Variants in INSR observed in about 807,000 individuals in gnomAD.
INSR encodes the protein insulin receptor, also known as IR.
In INSR, 67 loss-of-function variants were observed where a neutral mutation model predicts 142.6. The ratio of observed to expected loss-of-function variants is 0.47; its 90% CI spans 0.39 to 0.58. The LOEUF (loss-of-function observed/expected upper bound fraction) is 0.58. Ranked by LOEUF, INSR falls within the 20% of genes least tolerant of loss-of-function variation. The probability of loss-of-function intolerance (pLI) is 0.00; values close to 1 mark genes in which losing one functional copy is unlikely to be tolerated. For missense variants in INSR, 1,248 were observed against 1,833.2 expected (o/e 0.68, Z 5.83); for synonymous variants, 756 against 743.1 (o/e 1.02, Z -0.28).
chr19:7,180,345 T>C (rs541113996), intron 3 of INSR, among the ~76,000 whole-genome samples: 2 of 152,006 alleles, frequency 1.3e-5, no homozygotes, highest in African/African-American at 4.8e-5. Context: ...GCCTGGGGAA[T>C]ATAGCAAGAC....
At chr19:7,244,962 G>A (rs1157419784) in intron 2 of INSR, among the ~76,000 whole-genome samples, 2 of 129,608 alleles carry the variant, frequency 1.5e-5, no homozygotes, top group African/African-American at 3.0e-5. Flanking sequence ...TCAAGATGGA[G>A]TCTCGCTCTG....
At chr19:7,250,426 GAAGA>G (rs1568217939) in intron 2 of INSR, among the ~76,000 whole-genome samples, 1 of 119,238 alleles carries the variant, frequency 8.4e-6, no homozygotes, top group African/African-American at 3.1e-5. Context: ...AGAAAGCAAG[GAAGA>G]AAGAAGAAAA....
chr19:7,181,913 C>G (rs1475842713), intron 3 of INSR, among the ~76,000 whole-genome samples: 1 of 151,996 alleles, frequency 6.6e-6, no homozygotes. Flanking sequence ...CAGAACTCTG[C>G]TCTGAAAACA....
chr19:7,260,496 G>T (rs1433521534), intron 2 of INSR, among the ~76,000 whole-genome samples: 1 of 152,168 alleles, frequency 6.6e-6, no homozygotes, highest in Non-Finnish European at 1.5e-5. Context: ...AAAAATCAGG[G>T]TGGTCTTCCC....
chr19:7,144,128 T>C (rs571099516), intron 11 of INSR, among the ~76,000 whole-genome samples: 26 of 152,274 alleles, frequency 1.7e-4, no homozygotes, highest in African/African-American at 6.3e-4. Flanking sequence ...GGACAATTTT[T>C]TCCCTGTAAA....
intron 11 of INSR, 133 bp from the exon 12 acceptor site, chr19:7,143,223 AT>A: frequency 1.0e-6 from 1 of 956,048 alleles, no homozygotes; most frequent in Non-Finnish European, 1.6e-6. Flanking sequence ...GGGAACATGG[AT>A]TACAATACAG....
At chr19:7,250,449 AAAGAAAAGGAAGAAAAGAAAG>A (rs1976684644) in intron 2 of INSR, among the ~76,000 whole-genome samples, 1 of 85,818 alleles carries the variant, frequency 1.2e-5, no homozygotes, top group Non-Finnish European at 3.1e-5. Flanking sequence ...AAGAAAGAAG[AAAGAAAAGGAAGAAAAGAAAG>A]AAAGAAAAGA....
chr19:7,128,214 CT>C lies in INSR; in HGVS notation c.2945+637del, dbSNP rs781350558. Reference sequence around the variant, plus strand: ...TATGTCTTATTTCAGTTTTGTCCTACTTTTTTTTTTTTTCCCGAGACGGAGT... The same window carrying C: ...TATGTCTTATTTCAGTTTTGTCCTACTTTTTTTTTTTTCCCGAGACGGAGT... On this transcript the variant is annotated intron_variant, in intron 15 of 21. Transcript: ENST00000302850. 6.2e-3 allele frequency among the ~76,000 whole-genome samples: 887 copies of C among 143,526 alleles called. 5 individuals carry two copies. The highest frequency in any genetic ancestry group is 8.3e-3 in the Non-Finnish European group (543 of 65,066). The allele number at this position is 143,526 out of a possible 152,430, so 94.2% of individuals were successfully genotyped here. A position where few individuals can be genotyped will look rare whatever the true frequency, so the allele number is the denominator to read the frequency against.
At chr19:7,135,307 T>C (rs113924403) in intron 13 of INSR, among the ~76,000 whole-genome samples, 205 of 85,886 alleles carry the variant, frequency 2.4e-3, no homozygotes, top group Non-Finnish European at 3.0e-3. Flanking sequence ...GCATCTTCTT[T>C]TTTTTTTTTT....
chr19:7,191,307 GAGAAAGAAAGAAAGAAAAAGAA>G (rs1439898408), intron 2 of INSR, among the ~76,000 whole-genome samples: 8 of 141,444 alleles, frequency 5.7e-5, no homozygotes, highest in African/African-American at 8.0e-5. Flanking sequence ...GAAAAGAAAA[GAGAAAGAAAGAAAGAAAAAGAA>G]AGAAAGAAAG....
At chr19:7,164,654 CAAAAAAAAA>C (rs539037803) in intron 8 of INSR, among the ~76,000 whole-genome samples, 2 of 76,102 alleles carry the variant, frequency 2.6e-5, no homozygotes, top group African/African-American at 5.3e-5. Flanking sequence ...CTTGTCTCTA[CAAAAAAAAA>C]AAAAAAAAAA....
chr19:7,233,284 A>T (rs1348235989), intron 2 of INSR, among the ~76,000 whole-genome samples: 1 of 152,138 alleles, frequency 6.6e-6, no homozygotes, highest in Non-Finnish European at 1.5e-5. Flanking sequence ...GTGAGCCACC[A>T]TGCCCAGCCT....
chr19:7,153,774 C>A (rs557617598), intron 9 of INSR, among the ~76,000 whole-genome samples: 1 of 151,798 alleles, frequency 6.6e-6, no homozygotes, highest in Non-Finnish European at 1.5e-5. Flanking sequence ...CTGGCACTTT[C>A]GGAGGCCGAG....
chr19:7,234,745 T>C (rs890759135), intron 2 of INSR, among the ~76,000 whole-genome samples: 1 of 151,322 alleles, frequency 6.6e-6, no homozygotes, highest in African/African-American at 2.4e-5. Context: ...AAAACAAGGG[T>C]TTTTCAAAAA....
At chr19:7,170,130 C>T (rs542540030) in intron 6 of INSR, among the ~76,000 whole-genome samples, 3 of 152,232 alleles carry the variant, frequency 2.0e-5, no homozygotes, top group African/African-American at 4.8e-5. Flanking sequence ...CACTCCCCAT[C>T]GCTTGCATGA....
In INSR at chr19:7,249,801, G is replaced by A. The variant is rs376774128; in HGVS notation, c.652+17544C>T. 2.2e-3 allele frequency among the ~76,000 whole-genome samples: 331 copies of A among 152,224 alleles called. 1 individual carries two copies. Among genetic ancestry groups the A allele is most frequent in the African/African-American group, 7.1e-3 (293 of 41,532 alleles). On this transcript the variant is annotated intron_variant, in intron 2 of 21. Transcript: ENST00000302850. ...AGGTCAGGAGATCGAGACCATCCTG[G>A]CTAACAGGGTGAAACCCCGTCTCTA...
chr19:7,231,477 T>C (rs951354652), intron 2 of INSR, among the ~76,000 whole-genome samples: 5 of 151,862 alleles, frequency 3.3e-5, no homozygotes, highest in South Asian at 2.1e-4. Flanking sequence ...ATTTTTGTAT[T>C]TTTAGTAGAG....
At position 7,125,201 on chromosome 19, in the gene INSR, C is replaced by T. The variant is rs559128459; in HGVS notation, c.3258+82G>A. 1 of 1,568,552 alleles carries T rather than the reference C, an allele frequency of 6.4e-7. No individual in the cohort carries two copies. The highest frequency in any genetic ancestry group is 1.3e-5 in the African/African-American group (1 of 74,120). On this transcript the variant is annotated intron_variant, in intron 17 of 21. Transcript: ENST00000302850. This position sits in a 1 kb window ranked among gnomAD's most constrained non-coding sequence, Gnocchi z 4.9. ...GGTAGGAGGTTACACCCTGTGTCCTCTGTCGCTCTGTGCAGGAGGAGGAGG... is the reference window on the plus strand; with the variant it reads ...GGTAGGAGGTTACACCCTGTGTCCTTTGTCGCTCTGTGCAGGAGGAGGAGG...
intron 2 of INSR, among the ~76,000 whole-genome samples, chr19:7,229,233 G>C (rs1377654573): frequency 7.4e-6 from 1 of 134,402 alleles, no homozygotes; most frequent in Admixed American, 7.6e-5. Context: ...GATGGTGGGT[G>C]GTGAATGGAC....
Sources: allele counts gnomAD v4.1 joint callset (sites outside exome capture counted in the v4.1 genomes callset), GRCh38; gene constraint gnomAD v4.1.1; non-coding constraint Gnocchi (gnomAD v3.1); transcripts MANE v1.5; gene names NCBI Gene and HGNC (gene_info 2026-07-23, HGNC 2026-07-21).